BDNF: variants seen among roughly 807,000 people sequenced by gnomAD.
BDNF encodes the protein brain derived neurotrophic factor, also known as neurotrophic factor BDNF precursor form.
A neutral mutation model predicts 19.5 loss-of-function variants in BDNF; 1 was observed. The observed-to-expected ratio is 0.05, with a 90% CI of 0.02 to 0.24. BDNF has a LOEUF of 0.24. BDNF is among the 10% of genes least tolerant of loss of function. The pLI, the probability that BDNF is intolerant of heterozygous loss-of-function variation, is 1.00. For synonymous variants in BDNF, 100 were observed against 121.6 expected, an observed-to-expected ratio of 0.82 and a Z score of 1.17; for missense variants, 195 against 317.6, an observed-to-expected ratio of 0.61 and a Z score of 2.93.
At chr11:27,721,559 G>C (rs1172986086) in exon 1 of BDNF, 3 of 860,652 alleles carry the variant, frequency 3.5e-6, no homozygotes, top group Non-Finnish European at 5.9e-6. Flanking sequence ...TGTGACTTAT[G>C]AATCTAATAA....
intron 1 of BDNF, among the ~76,000 whole-genome samples, chr11:27,660,546 A>T (rs1853298962): frequency 6.6e-6 from 1 of 152,228 alleles, no homozygotes; most frequent in East Asian, 1.9e-4. Flanking sequence ...TTCCCAGTCC[A>T]AATAAAAACA....
At chr11:27,672,514 C>G (rs1349468641) in intron 1 of BDNF, among the ~76,000 whole-genome samples, 1 of 152,180 alleles carries the variant, frequency 6.6e-6, no homozygotes. Flanking sequence ...TATTTCTAGA[C>G]TTGTCCTGAA....
chr11:27,677,750 T>C (rs977348511), intron 1 of BDNF: 2 of 152,228 alleles, frequency 1.3e-5, no homozygotes, highest in African/African-American at 4.8e-5. Flanking sequence ...GATTTTTGAA[T>C]AATGTAAATT....
chr11:27,696,023 A>G (rs1171487922), intron 1 of BDNF, among the ~76,000 whole-genome samples: 1 of 152,162 alleles, frequency 6.6e-6, no homozygotes, highest in Non-Finnish European at 1.5e-5. Context: ...TCTCCCCTGC[A>G]AAAGGTTTTC....
chr11:27,700,158 G>C lies in BDNF; in HGVS notation c.-22+6C>G, dbSNP rs41274438. ...GCACCAAGCCCCATTCCCAGCGCTT[G>C]CCTACCTCGGGGTCCACACAAACCT... On this transcript the variant is annotated splice_donor_region_variant and intron_variant, in intron 1 of 1. Transcript: ENST00000356660. 4,278 of 985,872 alleles carry C rather than the reference G, an allele frequency of 4.3e-3. 16 individuals are homozygous for C. The highest frequency in any genetic ancestry group is 5.9e-3 in the Admixed American group (96 of 16,296). 61.1% of individuals were successfully genotyped at this position (985,872 alleles called of 1,614,324 possible).
chr11:27,684,239 C>T (rs1215311202), intron 1 of BDNF, among the ~76,000 whole-genome samples: 1 of 152,146 alleles, frequency 6.6e-6, no homozygotes, highest in African/African-American at 2.4e-5. Context: ...GTGATTTTTG[C>T]ACATTGATTT....
chr11:27,682,293 A>G (rs2133964574), intron 1 of BDNF, among the ~76,000 whole-genome samples: 1 of 152,080 alleles, frequency 6.6e-6, no homozygotes, highest in East Asian at 1.9e-4. Context: ...GGAGACTAAG[A>G]TCTCATATGT....
chr11:27,686,700 T>G (rs879446746), intron 1 of BDNF, among the ~76,000 whole-genome samples: 42 of 152,224 alleles, frequency 2.8e-4, no homozygotes, highest in Non-Finnish European at 4.4e-4. Flanking sequence ...AAAATTCTTT[T>G]CTTTAAGAAT....
chr11:27,659,310 T>C, intron 1 of BDNF: 2 of 999,716 alleles, frequency 2.0e-6, no homozygotes, highest in Non-Finnish European at 2.4e-6. Flanking sequence ...CCAATTCCAC[T>C]GTTCTTTATT....
At chr11:27,716,692 C>T (rs1021866277) in intron 1 of BDNF, among the ~76,000 whole-genome samples, 1 of 152,098 alleles carries the variant, frequency 6.6e-6, no homozygotes, top group Non-Finnish European at 1.5e-5. Flanking sequence ...CTGATGATAT[C>T]AGTTCATATT....
intron 1 of BDNF, chr11:27,677,031 C>A (rs1378008160): frequency 6.6e-6 from 1 of 152,248 alleles, no homozygotes; most frequent in African/African-American, 2.4e-5. Flanking sequence ...GTCACTAGAG[C>A]TGGCGCAAGC....
At chr11:27,674,072 A>G (rs770444228) in intron 1 of BDNF, 1 of 1,606,972 alleles carries the variant, frequency 6.2e-7, no homozygotes, top group Non-Finnish European at 8.5e-7. Context: ...TTATGAAACC[A>G]TTTTCAGGGA....
intron 1 of BDNF, chr11:27,677,545 A>C (rs1236849735): frequency 9.6e-5 from 14 of 145,392 alleles, no homozygotes; most frequent in African/African-American, 3.5e-4. Context: ...CAAAAAAAAA[A>C]CAGGGTGGGG....
At chr11:27,672,305 A>G (rs777370779) in intron 1 of BDNF, among the ~76,000 whole-genome samples, 4 of 152,162 alleles carry the variant, frequency 2.6e-5, no homozygotes, top group Admixed American at 6.6e-5. Flanking sequence ...AGCCTCCCTG[A>G]TCCCTGAACA....
upstream of BDNF, chr11:27,701,654 C>T (rs1190307972): frequency 2.0e-6 from 2 of 984,430 alleles, no homozygotes; most frequent in Non-Finnish European, 1.2e-6. Context: ...GAGAGGGCTC[C>T]ACGGTGCCTT....
intron 1 of BDNF, among the ~76,000 whole-genome samples, chr11:27,679,813 C>T (rs930396681): frequency 2.0e-5 from 3 of 152,248 alleles, no homozygotes; most frequent in African/African-American, 4.8e-5. Context: ...ACCAGCAGAG[C>T]TCTGGTCGCT....
chr11:27,713,550 G>A (rs1378889638), intron 1 of BDNF, among the ~76,000 whole-genome samples: 1 of 152,162 alleles, frequency 6.6e-6, no homozygotes, highest in African/African-American at 2.4e-5. Flanking sequence ...ACAGGAGGTG[G>A]TTGATATATT....
In BDNF at chr11:27,657,271, A is replaced by G; in HGVS notation, c.*550T>C. 1.0e-6 allele frequency: 1 copy of G among 987,650 alleles called. No homozygotes were observed. Among genetic ancestry groups the G allele is most frequent in the African/African-American group, 1.7e-5 (1 of 57,348 alleles). 61.2% of individuals were successfully genotyped at this position (987,650 alleles called of 1,614,324 possible). On this transcript the variant is annotated 3_prime_UTR_variant, in exon 2 of 2. Coordinates refer to ENST00000356660, the MANE Select transcript of BDNF (RefSeq NM_001709.5). This position sits in a 1 kb window ranked among gnomAD's most constrained non-coding sequence, Gnocchi z 5.0. ...ACGAAAAAAAAACACAAAACAAACA[A>G]AAATATACCCCCCATCCCCCATCCC...
At chr11:27,667,346 GA>G (rs1854530160) in intron 1 of BDNF, among the ~76,000 whole-genome samples, 1 of 152,226 alleles carries the variant, frequency 6.6e-6, no homozygotes, top group African/African-American at 2.4e-5. Flanking sequence ...AGGCTAGGAA[GA>G]AACTGCATCA....
Sources: gnomAD v4.1 joint callset for allele counts (sites outside exome capture counted in the v4.1 genomes callset) on GRCh38, gnomAD v4.1.1 for gene constraint, Gnocchi (gnomAD v3.1) non-coding constraint, MANE v1.5 for transcripts, NCBI Gene and HGNC (gene_info 2026-07-23, HGNC 2026-07-21) for gene names.